The following MICAL2 variants were observed in gnomAD, a reference collection of about 807,000 sequenced individuals.
MICAL2 encodes the protein [F-actin]-monooxygenase MICAL2.
A neutral mutation model predicts 127.3 loss-of-function variants in MICAL2; 77 were observed. The ratio of observed to expected loss-of-function variants is 0.60; its 90% CI spans 0.50 to 0.73. The LOEUF is 0.73. MICAL2 is among the 30% of genes least tolerant of loss of function. The pLI, the probability that MICAL2 is intolerant of heterozygous loss-of-function variation, is 0.00. For missense variants in MICAL2, 1,351 were observed against 1,434.4 expected (o/e 0.94, Z 0.94); for synonymous variants, 570 against 551.1 (o/e 1.03, Z -0.48).
At chr11:12,192,855 G>A (rs1859387364) in intron 3 of MICAL2, among the ~76,000 whole-genome samples, 1 of 152,146 alleles carries the variant, frequency 6.6e-6, no homozygotes, top group African/African-American at 2.4e-5. Context: ...TTTACTGAGT[G>A]CTTGCCATAT....
chr11:12,168,391 C>A (rs1393401161), intron 3 of MICAL2, among the ~76,000 whole-genome samples: 2 of 151,216 alleles, frequency 1.3e-5, no homozygotes, highest in Non-Finnish European at 2.9e-5. Context: ...ACACACACCA[C>A]AAACCATACA....
At chr11:12,159,748 G>T (rs1012632817) in intron 2 of MICAL2, among the ~76,000 whole-genome samples, 2 of 152,212 alleles carry the variant, frequency 1.3e-5, no homozygotes, top group Non-Finnish European at 2.9e-5. Context: ...ATGTTAATAC[G>T]ATCTGCAAAG....
intron 31 of MICAL2, chr11:12,324,080 T>G: frequency 6.2e-7 from 1 of 1,605,666 alleles, no homozygotes; most frequent in South Asian, 1.1e-5. Context: ...GGTCAGTAAA[T>G]AAACTGGACA....
intron 9 of MICAL2, among the ~76,000 whole-genome samples, chr11:12,220,828 A>G (rs748779270): frequency 1.3e-5 from 2 of 152,178 alleles, no homozygotes; most frequent in Non-Finnish European, 2.9e-5. Flanking sequence ...GGCCTTTGAG[A>G]TCACACGGAG....
At chr11:12,332,218 A>G (rs756001092) in intron 32 of MICAL2, among the ~76,000 whole-genome samples, 2 of 152,178 alleles carry the variant, frequency 1.3e-5, no homozygotes, top group African/African-American at 2.4e-5. Flanking sequence ...TTCCATAACT[A>G]TTTGTTCTCA....
intron 3 of MICAL2, among the ~76,000 whole-genome samples, chr11:12,188,473 T>G (rs1428185043): frequency 1.3e-5 from 2 of 152,180 alleles, no homozygotes; most frequent in African/African-American, 2.4e-5. Flanking sequence ...GAGCACCTAG[T>G]TGGAAGAGGC....
chr11:12,145,235 C>T (rs1233297575), intron 2 of MICAL2, among the ~76,000 whole-genome samples: 3 of 152,164 alleles, frequency 2.0e-5, no homozygotes, highest in Non-Finnish European at 2.9e-5. Flanking sequence ...TGGAAGTGAA[C>T]AGGCCTCAGA....
chr11:12,119,506 C>A (rs528428446), intron 1 of MICAL2, among the ~76,000 whole-genome samples: 1 of 152,180 alleles, frequency 6.6e-6, no homozygotes, highest in Middle Eastern at 3.2e-3. Context: ...AAAAGGTAGG[C>A]CAAGGAGGTG....
downstream of MICAL2, among the ~76,000 whole-genome samples, chr11:12,265,489 C>T (rs1863587880): frequency 6.6e-6 from 1 of 152,054 alleles, no homozygotes; most frequent in African/African-American, 2.4e-5. Context: ...GAAAACATGA[C>T]ACAAATCTGA....
At chr11:12,310,418 T>C (rs1864160158) in intron 29 of MICAL2, among the ~76,000 whole-genome samples, 1 of 152,196 alleles carries the variant, frequency 6.6e-6, no homozygotes, top group South Asian at 2.1e-4. Context: ...CCCAGCACTA[T>C]TTATTTAAGA....
At chr11:12,319,933 A>G (rs1290007205) in intron 30 of MICAL2, 2 of 694,034 alleles carry the variant, frequency 2.9e-6, no homozygotes, top group Non-Finnish European at 5.1e-6. Context: ...GTTTCATTGC[A>G]TCTGACAGAG....
At chr11:12,192,953 CTT>C (rs947260612) in intron 3 of MICAL2, among the ~76,000 whole-genome samples, 2 of 152,164 alleles carry the variant, frequency 1.3e-5, no homozygotes, top group African/African-American at 4.8e-5. Context: ...CTTTATTCCT[CTT>C]TTATGGTTGA....
chr11:12,249,366 AG>A, intron 22 of MICAL2, 120 bp downstream of exon 22: 1 of 644,650 alleles, frequency 1.6e-6, no homozygotes, highest in Non-Finnish European at 2.8e-6. Context: ...GCCTGGCACC[AG>A]GGGACGAAGG....
upstream of MICAL2, chr11:12,274,548 C>T: frequency 6.6e-6 from 1 of 152,370 alleles, no homozygotes. Context: ...TGACGTTCCA[C>T]CAAGGACTTG....
chr11:12,162,517 AGGTGTG>A, intron 3 of MICAL2, 98 bp downstream of exon 3: 1 of 1,417,118 alleles, frequency 7.1e-7, no homozygotes, highest in Non-Finnish European at 9.6e-7. Context: ...TACGGTTCTT[AGGTGTG>A]GGTGTGAATG....
At chr11:12,317,299 T>C (rs990312265) in intron 29 of MICAL2, among the ~76,000 whole-genome samples, 2 of 152,232 alleles carry the variant, frequency 1.3e-5, no homozygotes, top group Non-Finnish European at 2.9e-5. Context: ...TTACTGTGAT[T>C]GTAGGACTTT....
At chr11:12,354,709 T>C (rs765992156) in intron 33 of MICAL2, 13 of 1,242,824 alleles carry the variant, frequency 1.0e-5, no homozygotes, top group Non-Finnish European at 1.5e-5. Flanking sequence ...CTGTAGCTAC[T>C]CTCAATGGGC....
At chr11:12,354,107 C>A (rs1008783792) in intron 33 of MICAL2, among the ~76,000 whole-genome samples, 2 of 152,244 alleles carry the variant, frequency 1.3e-5, no homozygotes, top group African/African-American at 4.8e-5. Flanking sequence ...TCCCCCTGGT[C>A]TCTTGAGTTC....
At chr11:12,115,584 A>G (rs1036097272) in intron 1 of MICAL2, among the ~76,000 whole-genome samples, 16 of 152,234 alleles carry the variant, frequency 1.1e-4, no homozygotes, top group Admixed American at 3.3e-4. Flanking sequence ...CTTCCAAAGT[A>G]CTGGGATCAC....
Sources: gnomAD v4.1 joint callset for allele counts (sites outside exome capture counted in the v4.1 genomes callset) on GRCh38, gnomAD v4.1.1 for gene constraint, MANE v1.5 for transcripts, NCBI Gene and HGNC (gene_info 2026-07-23, HGNC 2026-07-21) for gene names.